DLG2: variants seen among roughly 807,000 people sequenced by gnomAD.
The protein encoded by DLG2 is discs large MAGUK scaffold protein 2.
A neutral mutation model predicts 132.5 loss-of-function variants in DLG2; 45 were observed. The ratio of observed to expected loss-of-function variants is 0.34; its 90% CI spans 0.27 to 0.44. The LOEUF (loss-of-function observed/expected upper bound fraction) is 0.44, where lower values mean the gene tolerates loss of function less well. DLG2 is among the 20% of genes least tolerant of loss of function. The probability of loss-of-function intolerance (pLI) is 1.00; values close to 1 mark genes in which losing one functional copy is unlikely to be tolerated. For missense variants in DLG2, 1,045 were observed against 1,196.9 expected, an observed-to-expected ratio of 0.87 and a Z score of 1.87; for synonymous variants, 424 against 419.6, an observed-to-expected ratio of 1.01 and a Z score of -0.13.
chr11:84,999,184 C>T (rs1329657907), intron 6 of DLG2, among the ~76,000 whole-genome samples: 3 of 151,992 alleles, frequency 2.0e-5, no homozygotes, highest in Non-Finnish European at 4.4e-5. Flanking sequence ...GTAATAGAAA[C>T]ATGTCTGTTA....
At chr11:84,813,609 C>T (rs766168220) in intron 6 of DLG2, among the ~76,000 whole-genome samples, 8 of 152,032 alleles carry the variant, frequency 5.3e-5, no homozygotes, top group South Asian at 2.1e-4. Flanking sequence ...GATGGGGAAT[C>T]GCTGACAGAG....
At chr11:84,802,699 G>GA (rs369888870) in intron 6 of DLG2, among the ~76,000 whole-genome samples, 171 of 151,000 alleles carry the variant, frequency 1.1e-3, no homozygotes, top group Admixed American at 1.6e-3. Flanking sequence ...TCTAGGCACT[G>GA]AAAAAAGGCC....
chr11:84,928,793 ATT>A (rs2047701622), intron 6 of DLG2, among the ~76,000 whole-genome samples: 1 of 151,384 alleles, frequency 6.6e-6, no homozygotes, highest in South Asian at 2.1e-4. Context: ...CTTCTCAAAA[ATT>A]TCCACAAAAG....
intron 6 of DLG2, among the ~76,000 whole-genome samples, chr11:84,788,465 G>C (rs60254633): frequency 2.0e-5 from 3 of 151,910 alleles, no homozygotes; most frequent in Non-Finnish European, 2.9e-5. Flanking sequence ...GCATGCCTGT[G>C]GTCCTGAGTC....
rs1565737230 is a variant in DLG2 at position 84,711,383 on chromosome 11, C to CGAGAGA, written c.358-176653_358-176652insTCTCTC. Among the ~76,000 whole-genome samples, 229 of 26,156 alleles carry CGAGAGA rather than the reference C, an allele frequency of 8.8e-3. 1 individual carries two copies. The highest frequency in any genetic ancestry group is 0.018 in the African/African-American group (34 of 1,880). The allele number at this position is 26,156 out of a possible 152,430, so 17.2% of individuals were successfully genotyped here. A position where few individuals can be genotyped will look rare whatever the true frequency, so the allele number is the denominator to read the frequency against. On this transcript the variant is annotated intron_variant, in intron 6 of 27. Transcript: ENST00000376104. The stretch of plus-strand genomic sequence containing the variant: ...GAGAGAGAGAGAGAGAGAGAGAGAT[C>CGAGAGA]GATCGATCTAGCTATCCTCCCCCAC...
At chr11:84,592,810 G>A (rs1021815741) in intron 6 of DLG2, among the ~76,000 whole-genome samples, 29 of 150,930 alleles carry the variant, frequency 1.9e-4, no homozygotes, top group Admixed American at 1.5e-3. Flanking sequence ...AAAAAGTCAG[G>A]AAACAGGCCA....
chr11:83,698,151 A>G (rs372115519), intron 18 of DLG2, among the ~76,000 whole-genome samples: 30 of 152,218 alleles, frequency 2.0e-4, no homozygotes, highest in Admixed American at 1.9e-3. Flanking sequence ...ACATGAGATA[A>G]TAGAGGTAAA....
chr11:84,210,675 C>T (rs1315841801), intron 8 of DLG2, among the ~76,000 whole-genome samples: 1 of 151,938 alleles, frequency 6.6e-6, no homozygotes, highest in African/African-American at 2.4e-5. Flanking sequence ...AATAAAGGAA[C>T]AAGTTCTTGA....
intron 6 of DLG2, chr11:84,887,385 G>T (rs919453317): frequency 6.6e-6 from 1 of 152,130 alleles, no homozygotes; most frequent in Non-Finnish European, 1.5e-5. Flanking sequence ...ATATTGGGAA[G>T]TCTTGGGATC....
intron 14 of DLG2, among the ~76,000 whole-genome samples, chr11:83,950,526 G>A (rs1042041405): frequency 6.6e-6 from 1 of 152,208 alleles, no homozygotes; most frequent in Admixed American, 6.5e-5. Context: ...TGCGAGAGAC[G>A]AGGTTTCAGT....
chr11:83,667,939 G>A (rs1421051294), intron 18 of DLG2, among the ~76,000 whole-genome samples: 2 of 118,470 alleles, frequency 1.7e-5, no homozygotes, highest in Non-Finnish European at 3.2e-5. Flanking sequence ...CCGTGCCACT[G>A]CAGTCCAGCC....
chr11:85,099,199 T>C (rs2070437452), intron 6 of DLG2, among the ~76,000 whole-genome samples: 1 of 152,240 alleles, frequency 6.6e-6, no homozygotes, highest in Non-Finnish European at 1.5e-5. Flanking sequence ...CACTGAGTCC[T>C]GCTTTGTATT....
At chr11:84,908,586 C>T (rs567948496) in intron 6 of DLG2, among the ~76,000 whole-genome samples, 4 of 151,960 alleles carry the variant, frequency 2.6e-5, no homozygotes, top group African/African-American at 9.6e-5. Context: ...AGAAAGTTTC[C>T]CCTGTGAGTA....
chr11:84,361,146 T>G lies in DLG2; in HGVS notation c.520-109855A>C, dbSNP rs978226927. Among the ~76,000 whole-genome samples the G allele has an allele frequency of 4.6e-5, 7 of 151,978 alleles. No homozygotes were observed. In the East Asian group the frequency reaches 1.4e-3, roughly 29 times the overall value. On this transcript the variant is annotated intron_variant, in intron 7 of 27. Coordinates refer to ENST00000376104, the MANE Select transcript of DLG2 (RefSeq NM_001142699.3). ...TGCTGAATGATACCAAGTACAGTCC[T>G]AGAAAGTGGGAGGGAAAATAAAAAC...
At chr11:83,532,098 A>T (rs2095763304) in intron 21 of DLG2, among the ~76,000 whole-genome samples, 2 of 152,206 alleles carry the variant, frequency 1.3e-5, no homozygotes, top group South Asian at 4.1e-4. Context: ...TTCTAAATAT[A>T]CTAAAAACCA....
At chr11:84,545,418 C>T (rs979829818) in intron 6 of DLG2, 24 of 482,286 alleles carry the variant, frequency 5.0e-5, no homozygotes, top group South Asian at 2.4e-4. Flanking sequence ...AAAGCTACTA[C>T]GACCACTGAA....
At chr11:85,503,051 G>A (rs751226406) in intron 3 of DLG2, among the ~76,000 whole-genome samples, 68 of 151,924 alleles carry the variant, frequency 4.5e-4, no homozygotes, top group Non-Finnish European at 6.8e-4. Flanking sequence ...GCATACTCCC[G>A]TATGAAGAAG....
chr11:85,408,334 T>C (rs1025721957), intron 3 of DLG2, among the ~76,000 whole-genome samples: 17 of 150,994 alleles, frequency 1.1e-4, no homozygotes, highest in East Asian at 3.9e-4. Context: ...AGAACTGACA[T>C]TTGGGTGGGC....
At chr11:84,327,204 C>T (rs1256808020) in intron 7 of DLG2, among the ~76,000 whole-genome samples, 1 of 149,390 alleles carries the variant, frequency 6.7e-6, no homozygotes, top group Non-Finnish European at 1.5e-5. Context: ...TCAACCTCTG[C>T]CTCCTGGTAG....
Sources: gnomAD v4.1 joint callset for allele counts (sites outside exome capture counted in the v4.1 genomes callset) on GRCh38, gnomAD v4.1.1 for gene constraint, MANE v1.5 for transcripts, NCBI Gene and HGNC (gene_info 2026-07-23, HGNC 2026-07-21) for gene names.